The following CALCR variants were observed in gnomAD, a reference collection of about 807,000 sequenced individuals.
CALCR encodes calcitonin receptor.
CALCR carries 47 observed loss-of-function variants against 59.5 expected under a neutral mutation model. The observed-to-expected ratio is 0.79, with a 90% CI of 0.63 to 1.01. The LOEUF (loss-of-function observed/expected upper bound fraction) is 1.01, where lower values mean the gene tolerates loss of function less well. Ranked by LOEUF, CALCR falls within the 50% of genes least tolerant of loss-of-function variation. The probability of loss-of-function intolerance (pLI) is 0.00; values close to 1 mark genes in which losing one functional copy is unlikely to be tolerated. For synonymous variants in CALCR, 213 were observed against 211.3 expected (o/e 1.01, Z -0.07); for missense variants, 566 against 597.1 (o/e 0.95, Z 0.54).
chr7:93,459,266 A>T (rs1184734125), intron 8 of CALCR, among the ~76,000 whole-genome samples: 1 of 152,162 alleles, frequency 6.6e-6, no homozygotes, highest in East Asian at 1.9e-4. Context: ...ACAGAGACAC[A>T]TGTGACAATG....
At chr7:93,541,293 C>T (rs1044571481) in intron 2 of CALCR, among the ~76,000 whole-genome samples, 1 of 152,146 alleles carries the variant, frequency 6.6e-6, no homozygotes, top group African/African-American at 2.4e-5. Context: ...CCCACCTCAA[C>T]CTCCCGAGTA....
intron 11 of CALCR, among the ~76,000 whole-genome samples, chr7:93,437,436 T>C (rs12666831): frequency 0.11 from 17,097 of 152,142 alleles, 1,442 homozygotes; most frequent in East Asian, 0.46. Flanking sequence ...CCTGAAAGAT[T>C]ATTTAATCTA....
Position 93,424,954 on chromosome 7 carries a change from C to G in CALCR, c.*1402G>C, listed in dbSNP as rs1259152314. 1 of 152,540 alleles carries G rather than the reference C, an allele frequency of 6.6e-6. No individual in the cohort carries two copies. Among genetic ancestry groups the G allele is most frequent in the African/African-American group, 2.4e-5 (1 of 41,422 alleles). The allele number at this position is 152,540 out of a possible 1,614,324, so 9.4% of individuals were successfully genotyped here. A position where few individuals can be genotyped will look rare whatever the true frequency, so the allele number is the denominator to read the frequency against. On this transcript the variant is annotated 3_prime_UTR_variant, in exon 14 of 14. Coordinates refer to ENST00000426151, the MANE Select transcript of CALCR (RefSeq NM_001742.4). ...ATTTATTATCTTTCCACAACTAAAT[C>G]ACTTCTGAAAGGCAGTGGCAAAATA...
chr7:93,457,599 C>T (rs891026664), intron 8 of CALCR, among the ~76,000 whole-genome samples: 5 of 152,116 alleles, frequency 3.3e-5, no homozygotes, highest in African/African-American at 9.7e-5. Context: ...TATTCAAAAA[C>T]GGAAGCCTCA....
chr7:93,469,746 T>C (rs3802048), intron 6 of CALCR, among the ~76,000 whole-genome samples: 58 of 151,958 alleles, frequency 3.8e-4, no homozygotes, highest in Non-Finnish European at 3.5e-4. Context: ...TATTTTGTAG[T>C]TGTACTTTAA....
chr7:93,501,083 G>A (rs184663424), intron 2 of CALCR, among the ~76,000 whole-genome samples: 23 of 152,046 alleles, frequency 1.5e-4, no homozygotes, highest in Admixed American at 5.9e-4. Context: ...TGAGATTAAT[G>A]ATATAAGGGA....
chr7:93,548,349 T>A (rs1270623245), intron 2 of CALCR, among the ~76,000 whole-genome samples: 1 of 152,170 alleles, frequency 6.6e-6, no homozygotes, highest in Non-Finnish European at 1.5e-5. Context: ...TTTGTGCAAG[T>A]CTGGTGGTTT....
chr7:93,540,728 T>C (rs146070933), intron 2 of CALCR, among the ~76,000 whole-genome samples: 1,172 of 59,374 alleles, frequency 0.02, 20 homozygotes, highest in African/African-American at 0.043. Context: ...ATTATATATT[T>C]ATATTATATA....
intron 2 of CALCR, among the ~76,000 whole-genome samples, chr7:93,557,538 T>C (rs960127341): frequency 1.4e-5 from 2 of 143,664 alleles, no homozygotes; most frequent in African/African-American, 5.1e-5. Flanking sequence ...GAATACTTTT[T>C]CCATGCTGTT....
At chr7:93,497,190 G>GAATAAAAATGATGTCATATTGAAAGAAAT (rs1801224521) in intron 2 of CALCR, among the ~76,000 whole-genome samples, 1 of 151,448 alleles carries the variant, frequency 6.6e-6, no homozygotes, top group Non-Finnish European at 1.5e-5. Context: ...AGGGGAAACA[G>GAATAAAAATGATGTCATATTGAAAGAAAT]AATAAAAATG....
chr7:93,522,976 A>T (rs948189993), intron 2 of CALCR, among the ~76,000 whole-genome samples: 3 of 152,150 alleles, frequency 2.0e-5, no homozygotes, highest in Non-Finnish European at 4.4e-5. Flanking sequence ...GGTTAGGAAA[A>T]TTGAGATGAT....
intron 2 of CALCR, among the ~76,000 whole-genome samples, chr7:93,505,377 G>A (rs1180499744): frequency 3.3e-5 from 5 of 152,146 alleles, no homozygotes; most frequent in African/African-American, 7.2e-5. Flanking sequence ...ATAGATTCGG[G>A]AAAGTTTAGT....
chr7:93,497,759 C>G (rs2115987406), intron 2 of CALCR, among the ~76,000 whole-genome samples: 1 of 151,730 alleles, frequency 6.6e-6, no homozygotes, highest in Middle Eastern at 3.4e-3. Context: ...AGAACCCAGT[C>G]TCAAATCACT....
At chr7:93,569,025 CTAAT>C (rs1214862499) in intron 2 of CALCR, among the ~76,000 whole-genome samples, 3 of 152,084 alleles carry the variant, frequency 2.0e-5, no homozygotes, top group Non-Finnish European at 4.4e-5. Context: ...CATCTCACCT[CTAAT>C]TTCTATCGTT....
chr7:93,534,420 T>C (rs1788930253), intron 2 of CALCR, among the ~76,000 whole-genome samples: 1 of 151,770 alleles, frequency 6.6e-6, no homozygotes, highest in African/African-American at 2.4e-5. Flanking sequence ...CCTCTTAAGA[T>C]ATAGTCTCTC....
At chr7:93,512,034 C>G (rs1029978191) in intron 2 of CALCR, among the ~76,000 whole-genome samples, 5 of 152,166 alleles carry the variant, frequency 3.3e-5, no homozygotes, top group Non-Finnish European at 7.3e-5. Context: ...ATACTTCTTT[C>G]ACTTAGAACC....
chr7:93,454,495 G>T (rs1349962314), intron 8 of CALCR, among the ~76,000 whole-genome samples: 2 of 151,804 alleles, frequency 1.3e-5, no homozygotes, highest in African/African-American at 2.4e-5. Flanking sequence ...AAATTAGAGA[G>T]AAATTTATTT....
chr7:93,453,507 CCAACAT>C (rs1800149855), intron 8 of CALCR, among the ~76,000 whole-genome samples: 1 of 151,956 alleles, frequency 6.6e-6, no homozygotes, highest in Admixed American at 6.6e-5. Context: ...CAGCAATGAT[CCAACAT>C]ACCCTAACGG....
At chr7:93,538,161 GTC>G (rs974298383) in intron 2 of CALCR, among the ~76,000 whole-genome samples, 1 of 151,884 alleles carries the variant, frequency 6.6e-6, no homozygotes, top group African/African-American at 2.4e-5. Context: ...ATATCATAAA[GTC>G]TCTATCTTTA....
Sources: allele counts gnomAD v4.1 joint callset (sites outside exome capture counted in the v4.1 genomes callset), GRCh38; gene constraint gnomAD v4.1.1; transcripts MANE v1.5; gene names NCBI Gene and HGNC (gene_info 2026-07-23, HGNC 2026-07-21).